MCTP2: variants seen among roughly 807,000 people sequenced by gnomAD.
The protein encoded by MCTP2 is multiple C2 and transmembrane domain-containing protein 2.
In MCTP2, 132 loss-of-function variants were observed where a neutral mutation model predicts 111.6. The observed-to-expected ratio is 1.18, with a 90% CI of 1.03 to 1.37. MCTP2 has a LOEUF of 1.37. Ranked by LOEUF, MCTP2 falls within the 40% of genes most tolerant of loss-of-function variation. The pLI, the probability that MCTP2 is intolerant of heterozygous loss-of-function variation, is 0.00. For synonymous variants in MCTP2, 395 were observed against 387.7 expected, an observed-to-expected ratio of 1.02 and a Z score of -0.22; for missense variants, 1,183 against 1,067.9, an observed-to-expected ratio of 1.11 and a Z score of -1.50.
chr15:94,241,489 G>T (rs1266768341), intron 1 of MCTP2, among the ~76,000 whole-genome samples: 1 of 152,122 alleles, frequency 6.6e-6, no homozygotes, highest in Non-Finnish European at 1.5e-5. Context: ...CGGAAAACCA[G>T]GTCTTGCCTG....
At position 94,340,108 on chromosome 15, in the gene MCTP2, G is replaced by A. The variant is rs989501234; in HGVS notation, c.781-91G>A. 6.9e-6 allele frequency: 6 copies of A among 864,290 alleles called. No homozygotes were observed. The Admixed American group carries it at 1.3e-4, about 18-fold the overall frequency. The allele number at this position is 864,290 out of a possible 1,614,324, so 53.5% of individuals were successfully genotyped here. A position where few individuals can be genotyped will look rare whatever the true frequency, so the allele number is the denominator to read the frequency against. ...TTCAAGATCTGAAAGACTGATTTCA[G>A]AATTTCCAACCTATTGCATTTGTTA... is the stretch of plus-strand genomic sequence containing the variant. On this transcript the variant is annotated intron_variant, in intron 5 of 22. Coordinates refer to ENST00000357742, the MANE Select transcript of MCTP2 (RefSeq NM_001385001.1).
intron 19 of MCTP2, among the ~76,000 whole-genome samples, chr15:94,454,739 A>G (rs1278393642): frequency 6.6e-6 from 1 of 152,022 alleles, no homozygotes; most frequent in Non-Finnish European, 1.5e-5. Flanking sequence ...GCCAAAAAAC[A>G]CTTTATTTTT....
intron 14 of MCTP2, among the ~76,000 whole-genome samples, chr15:94,395,832 A>G (rs1282074340): frequency 2.0e-5 from 3 of 152,196 alleles, no homozygotes; most frequent in Admixed American, 6.5e-5. Context: ...GTCCTGAATC[A>G]TTACTCAGAA....
chr15:94,314,624 C>G, intron 3 of MCTP2: 1 of 525,730 alleles, frequency 1.9e-6, no homozygotes. Flanking sequence ...TGCTTTGAAA[C>G]TTTCAAAAGA....
At chr15:94,311,246 C>T (rs758256729) in intron 2 of MCTP2, among the ~76,000 whole-genome samples, 55 of 151,806 alleles carry the variant, frequency 3.6e-4, no homozygotes, top group Non-Finnish European at 6.6e-4. Context: ...AGGCTGGTCT[C>T]GAACTCCTGA....
rs1239707868 is a variant in MCTP2 at position 94,358,479 on chromosome 15, T to C, written c.1171-3T>C. On this transcript the variant is annotated splice_polypyrimidine_tract_variant and splice_region_variant and intron_variant, in intron 9 of 22. Coordinates refer to ENST00000357742, the MANE Select transcript of MCTP2 (RefSeq NM_001385001.1). ...ATAAATATTATAACTGCATGTTTTC[T>C]AGACACTGTGTAAGAGTGCAAATCC... is the stretch of plus-strand genomic sequence containing the variant. 1 of 1,610,962 alleles carries C rather than the reference T, an allele frequency of 6.2e-7. No individual in the cohort carries two copies. The highest frequency in any genetic ancestry group is 8.5e-7 in the Non-Finnish European group (1 of 1,178,486).
chr15:94,333,250 A>G (rs2077209621), intron 4 of MCTP2, among the ~76,000 whole-genome samples: 1 of 152,238 alleles, frequency 6.6e-6, no homozygotes, highest in South Asian at 2.1e-4. Context: ...AGCAAGGCGT[A>G]TAAGAATTCT....
chr15:94,454,674 A>G (rs962359657), intron 19 of MCTP2, among the ~76,000 whole-genome samples: 2 of 151,880 alleles, frequency 1.3e-5, no homozygotes, highest in Non-Finnish European at 2.9e-5. Context: ...TGACTGAAGT[A>G]CTAACTTCAT....
intron 8 of MCTP2, among the ~76,000 whole-genome samples, chr15:94,348,126 A>T (rs955449376): frequency 1.1e-4 from 16 of 151,380 alleles, no homozygotes; most frequent in Middle Eastern, 3.4e-3. Context: ...TACTAGTGTA[A>T]TTTTTTTTTC....
intron 12 of MCTP2, among the ~76,000 whole-genome samples, chr15:94,379,953 T>C (rs2080035607): frequency 6.7e-6 from 1 of 149,736 alleles, no homozygotes; most frequent in Non-Finnish European, 1.5e-5. Context: ...ATAAATTTGA[T>C]GCTTTGACCT....
chr15:94,343,156 A>G (rs904079879), intron 7 of MCTP2: 2 of 151,880 alleles, frequency 1.3e-5, no homozygotes, highest in Non-Finnish European at 2.9e-5. Flanking sequence ...AAGAAAATTA[A>G]TTGAGGAATA....
chr15:94,479,019 G>A lies in MCTP2; in HGVS notation c.2622G>A (p.Lys874=), dbSNP rs746937797. 1 of 1,614,090 alleles carries A rather than the reference G, an allele frequency of 6.2e-7. No individual in the cohort carries two copies. Among genetic ancestry groups the A allele is most frequent in the Non-Finnish European group, 8.5e-7 (1 of 1,179,998 alleles). The part of the protein sequence containing the change: ...LCSSHSPLRK[K]RSAL Reference sequence around the variant, plus strand: ...GCAGCCACAGCCCCCTGCGGAAGAAGCGCAGCGCTCTCTAGGGCACACACC... The same window carrying A: ...GCAGCCACAGCCCCCTGCGGAAGAAACGCAGCGCTCTCTAGGGCACACACC... The change falls in exon 23 of 23, where the codon AAG becomes AAA. Residue 874 remains lysine, a synonymous_variant. Transcript: ENST00000357742.
chr15:94,242,941 A>G (rs79368345), intron 1 of MCTP2, among the ~76,000 whole-genome samples: 3,273 of 136,178 alleles, frequency 0.024, 146 homozygotes, highest in African/African-American at 0.058. Flanking sequence ...ACACGTGTAT[A>G]TGTAGATACA....
chr15:94,440,292 C>G lies in MCTP2; in HGVS notation c.2202C>G (p.Asp734Glu), dbSNP rs1304927775. Residue 734 changes from aspartate to glutamate, a missense_variant, in exon 18 of 23, where the codon GAC (aspartate) becomes GAG (glutamate). Coordinates refer to ENST00000357742, the MANE Select transcript of MCTP2 (RefSeq NM_001385001.1). Reference protein sequence around the residue: ...PVKGKVSSIQDSQESTDIDDE... With the variant: ...PVKGKVSSIQESQESTDIDDE... ...AAGGCAAGGTCAGCAGCATCCAGGA[C>G]AGCCAGGTAAGCAAGGATTCGGAGT... 12 of 1,613,884 alleles carry G rather than the reference C, an allele frequency of 7.4e-6. No homozygotes were observed. Among genetic ancestry groups the G allele is most frequent in the Non-Finnish European group, 1.0e-5 (12 of 1,179,922 alleles).
At chr15:94,313,180 T>C (rs968617151) in intron 2 of MCTP2, among the ~76,000 whole-genome samples, 34 of 152,212 alleles carry the variant, frequency 2.2e-4, no homozygotes, top group Non-Finnish European at 3.2e-4. Context: ...CTCAAATTGC[T>C]GGGAGGCCAT....
At chr15:94,435,779 C>A (rs1275269825) in intron 17 of MCTP2, among the ~76,000 whole-genome samples, 1 of 140,116 alleles carries the variant, frequency 7.1e-6, no homozygotes, top group Non-Finnish European at 1.6e-5. Context: ...TTACAGGCGC[C>A]CGCCACTACA....
At chr15:94,315,462 G>T in intron 3 of MCTP2, 67 bp from the exon 4 acceptor site, 1 of 1,164,686 alleles carries the variant, frequency 8.6e-7, no homozygotes, top group South Asian at 1.3e-5. Context: ...AAATCGAGAA[G>T]TATTTCTGAA....
chr15:94,458,168 T>C lies in MCTP2; in HGVS notation c.2282T>C (p.Ile761Thr), dbSNP rs780954976. ...GAGAAAAAGGGGTTGATTGAAAGAA[T>C]CTATATGGTACAGGATATTGTTTCA... ...ESEKKGLIERIYMVQDIVSTV... is the reference protein window; with the variant it reads ...ESEKKGLIERTYMVQDIVSTV... Residue 761 changes from isoleucine to threonine, a missense_variant, in exon 20 of 23, where the codon ATC becomes ACC. Transcript: ENST00000357742. 1.1e-5 allele frequency: 18 copies of C among 1,611,610 alleles called. No homozygotes were observed. The South Asian group carries it at 1.9e-4, about 17-fold the overall frequency.
intron 8 of MCTP2, among the ~76,000 whole-genome samples, chr15:94,350,336 C>G (rs745750823): frequency 6.6e-6 from 1 of 152,080 alleles, no homozygotes; most frequent in South Asian, 2.1e-4. Flanking sequence ...GCCTGTAATC[C>G]CAGCACTTTG....
Sources: allele counts gnomAD v4.1 joint callset (sites outside exome capture counted in the v4.1 genomes callset), GRCh38; gene constraint gnomAD v4.1.1; transcripts MANE v1.5; gene names NCBI Gene and HGNC (gene_info 2026-07-23, HGNC 2026-07-21).